PDGFD: variants seen among roughly 807,000 people sequenced by gnomAD.
The protein encoded by PDGFD is platelet-derived growth factor D.
Under a neutral mutation model 44.7 loss-of-function variants are expected in PDGFD, and 30 were observed. The ratio of observed to expected loss-of-function variants is 0.67; its 90% CI spans 0.50 to 0.91. The LOEUF is 0.91. Ranked by LOEUF, PDGFD falls within the 40% of genes least tolerant of loss-of-function variation. The pLI is 0.00. For synonymous variants in PDGFD, 173 were observed against 168.4 expected (o/e 1.03, Z -0.21); for missense variants, 445 against 457.8 (o/e 0.97, Z 0.25).
chr11:104,072,637 G>A (rs1860898269), intron 1 of PDGFD, among the ~76,000 whole-genome samples: 1 of 151,854 alleles, frequency 6.6e-6, no homozygotes, highest in African/African-American at 2.4e-5. Context: ...AGGCAGTCTT[G>A]ACTTGTTTCT....
intron 3 of PDGFD, among the ~76,000 whole-genome samples, chr11:103,960,167 C>A (rs1858914110): frequency 6.6e-6 from 1 of 152,112 alleles, no homozygotes; most frequent in East Asian, 1.9e-4. Flanking sequence ...CATATTCATC[C>A]AAACCAAATA....
intron 1 of PDGFD, among the ~76,000 whole-genome samples, chr11:104,049,931 T>C (rs1412355091): frequency 6.6e-6 from 1 of 152,116 alleles, no homozygotes; most frequent in East Asian, 1.9e-4. Flanking sequence ...GGAGAGCAAC[T>C]AACAACTCTC....
intron 1 of PDGFD, chr11:104,036,664 G>A: frequency 3.1e-6 from 2 of 641,124 alleles, no homozygotes; most frequent in Admixed American, 2.7e-5. Flanking sequence ...ACAGCCCCCA[G>A]ACAGATGAGT....
chr11:103,937,297 C>T (rs1177661181), intron 5 of PDGFD, among the ~76,000 whole-genome samples: 1 of 151,992 alleles, frequency 6.6e-6, no homozygotes, highest in South Asian at 2.1e-4. Flanking sequence ...AACAGGTTTC[C>T]CTCCTTGCCA....
intron 6 of PDGFD, among the ~76,000 whole-genome samples, chr11:103,911,131 G>A (rs993194659): frequency 1.3e-5 from 2 of 152,186 alleles, no homozygotes; most frequent in African/African-American, 2.4e-5. Context: ...CAGAGAACCT[G>A]GGGGAAGGGG....
intron 6 of PDGFD, among the ~76,000 whole-genome samples, chr11:103,921,177 G>A (rs1565284647): frequency 6.6e-6 from 1 of 152,106 alleles, no homozygotes. Context: ...TCACTTAAAG[G>A]TGGAGAAAGG....
At position 104,079,998 on chromosome 11, in the gene PDGFD, G is replaced by A. The variant is rs529538131; in HGVS notation, c.125-79743C>T. On this transcript the variant is annotated intron_variant, in intron 1 of 6. Coordinates refer to ENST00000393158, the MANE Select transcript of PDGFD (RefSeq NM_025208.5). ...TGAATTAAAAGATAATGGTGCTGAC[G>A]GTATTATTGTCTATGCATACCAATG... 7.2e-5 allele frequency among the ~76,000 whole-genome samples: 11 copies of A among 152,202 alleles called. No homozygotes were observed. The South Asian group carries it at 8.3e-4, about 11-fold the overall frequency.
At chr11:104,081,799 A>AACCCTCTTT (rs1565329281) in intron 1 of PDGFD, among the ~76,000 whole-genome samples, 1 of 152,288 alleles carries the variant, frequency 6.6e-6, no homozygotes, top group East Asian at 1.9e-4. Context: ...TAAGCATTTT[A>AACCCTCTTT]ACCCTCTTTC....
intron 1 of PDGFD, among the ~76,000 whole-genome samples, chr11:104,118,506 T>A (rs1235430187): frequency 1.3e-5 from 2 of 151,356 alleles, no homozygotes; most frequent in African/African-American, 2.4e-5. Flanking sequence ...CACTTCCCAA[T>A]CAGTACAATT....
At chr11:104,020,040 GA>G (rs1201201674) in intron 1 of PDGFD, among the ~76,000 whole-genome samples, 8 of 152,080 alleles carry the variant, frequency 5.3e-5, no homozygotes, top group African/African-American at 1.9e-4. Context: ...CAGATGCACA[GA>G]AAAAATAACA....
intron 1 of PDGFD, among the ~76,000 whole-genome samples, chr11:104,073,646 C>T (rs1236150207): frequency 6.6e-6 from 1 of 152,190 alleles, no homozygotes; most frequent in Non-Finnish European, 1.5e-5. Flanking sequence ...TTTTGTATTA[C>T]TCCATCAGGG....
intron 1 of PDGFD, among the ~76,000 whole-genome samples, chr11:104,158,454 T>C (rs144583217): frequency 2.8e-4 from 43 of 152,296 alleles, no homozygotes; most frequent in African/African-American, 9.9e-4. Context: ...TTCCAAGAGG[T>C]CAGGAACCAT....
At position 103,909,758 on chromosome 11, in the gene PDGFD, A is replaced by G. The variant is rs146503586; in HGVS notation, c.1049T>C (p.Val350Ala). 3.1e-6 allele frequency: 5 copies of G among 1,613,820 alleles called. No homozygotes were observed. In the East Asian group the frequency reaches 6.7e-5, roughly 22 times the overall value. ...RRGRAKTMAL[V>A]DIQLDHHERC... ...TTCATGGTGATCCAACTGGATGTCA[A>G]CTAGAGCCATGGTCTTAGCTCTACC... The change falls in exon 7 of 7, where the codon GTT (valine) becomes GCT (alanine). Residue 350 changes from valine to alanine, a missense_variant. Physicochemically the swap from Val to Ala is moderately conservative, Grantham distance 64. Coordinates refer to ENST00000393158, the MANE Select transcript of PDGFD (RefSeq NM_025208.5).
intron 3 of PDGFD, among the ~76,000 whole-genome samples, chr11:103,984,427 A>G (rs1482749458): frequency 1.3e-5 from 2 of 151,530 alleles, no homozygotes; most frequent in African/African-American, 4.9e-5. Flanking sequence ...AGTGGTGGAG[A>G]AGGGAGAGGA....
At chr11:103,988,470 G>A (rs1027391057) in intron 3 of PDGFD, among the ~76,000 whole-genome samples, 15 of 152,206 alleles carry the variant, frequency 9.9e-5, no homozygotes, top group Admixed American at 8.5e-4. Flanking sequence ...AATTACAGCA[G>A]TAAAGTATTA....
intron 1 of PDGFD, among the ~76,000 whole-genome samples, chr11:104,135,931 G>C (rs975915896): frequency 2.0e-5 from 3 of 152,104 alleles, no homozygotes; most frequent in African/African-American, 7.2e-5. Flanking sequence ...AAGAGCTTTG[G>C]AAAGACAGAA....
At position 103,926,896 on chromosome 11, in the gene PDGFD, T is replaced by A. The variant is rs1338956398; in HGVS notation, c.987+16A>T. On this transcript the variant is annotated intron_variant, in intron 6 of 6. Coordinates refer to ENST00000393158, the MANE Select transcript of PDGFD (RefSeq NM_025208.5). Reference sequence around the variant, plus strand: ...ATAGATTAAGCATTGCAACAAGAAATCTAAGAATGACATACCTCATGATAC... The same window carrying A: ...ATAGATTAAGCATTGCAACAAGAAAACTAAGAATGACATACCTCATGATAC... 1.6e-5 allele frequency: 25 copies of A among 1,607,086 alleles called. No individual in the cohort carries two copies. The highest frequency in any genetic ancestry group is 2.1e-5 in the Non-Finnish European group (25 of 1,175,680).
chr11:103,910,629 C>T (rs1858012395), intron 6 of PDGFD, among the ~76,000 whole-genome samples: 2 of 152,238 alleles, frequency 1.3e-5, no homozygotes, highest in Non-Finnish European at 2.9e-5. Context: ...CCCCCAGTGC[C>T]TATGCCACCA....
chr11:104,130,238 C>G (rs527343837), intron 1 of PDGFD, among the ~76,000 whole-genome samples: 98 of 152,066 alleles, frequency 6.4e-4, no homozygotes, highest in African/African-American at 2.1e-3. Flanking sequence ...GTAATCCCCC[C>G]CTTTTCTCTA....
Sources: allele counts gnomAD v4.1 joint callset (sites outside exome capture counted in the v4.1 genomes callset), GRCh38; gene constraint gnomAD v4.1.1; transcripts MANE v1.5; gene names NCBI Gene and HGNC (gene_info 2026-07-23, HGNC 2026-07-21).